DNAH17: variants seen among roughly 807,000 people sequenced by gnomAD.
DNAH17 encodes the protein axonemal beta dynein heavy chain 17.
In DNAH17, 376 loss-of-function variants were observed where a neutral mutation model predicts 485.6. That is an observed-to-expected ratio of 0.77 (90% CI 0.71 to 0.84). The LOEUF is 0.84. DNAH17 is among the 40% of genes least tolerant of loss of function. The pLI is 0.00. For synonymous variants in DNAH17, 3,031 were observed against 2,405.9 expected, an observed-to-expected ratio of 1.26 and a Z score of -7.60; for missense variants, 6,370 against 5,839.3, an observed-to-expected ratio of 1.09 and a Z score of -2.96.
intron 80 of DNAH17, 134 bp from the exon 81 acceptor site, chr17:78,424,287 G>T: frequency 8.4e-7 from 1 of 1,185,194 alleles, no homozygotes; most frequent in Non-Finnish European, 1.1e-6. Context: ...CAGGCCAGCT[G>T]CCACGGCTGG....
rs1340222986 is a variant in DNAH17, at chr17:78,484,918, C to G, written c.7599G>C (p.Gly2533=). The change falls in exon 48 of 81, where the codon GGG becomes GGC. Residue 2533 remains glycine (G), a synonymous_variant. Transcript: ENST00000389840. Reference sequence around the variant, plus strand: ...GGATGAGGGTGTGCGGGGCCACCGTCCCATACTTGTCCACCTCGGGCATGT... The same window carrying G: ...GGATGAGGGTGTGCGGGGCCACCGTGCCATACTTGTCCACCTCGGGCATGT... ...DMNMPEVDKY[G]TVAPHTLIRQ... 1 of 1,602,672 alleles carries G rather than the reference C, an allele frequency of 6.2e-7. No homozygotes were observed. The highest frequency in any genetic ancestry group is 1.1e-5 in the South Asian group (1 of 89,246).
At chr17:78,467,588 A>AG (rs2088534206) in intron 55 of DNAH17, among the ~76,000 whole-genome samples, 1 of 152,140 alleles carries the variant, frequency 6.6e-6, no homozygotes, top group Non-Finnish European at 1.5e-5. Context: ...TGAGTCAAGC[A>AG]GGGGAAAACG....
rs750445575 is a variant in DNAH17 at position 78,495,964 on chromosome 17, G to A, written c.5814C>T (p.Gly1938=). The change falls in exon 38 of 81, where the codon GGC becomes GGT. Residue 1938 remains glycine (G), a synonymous_variant. Transcript: ENST00000389840. ...TGAAGATACCGACGGTGGGAATGAG[G>A]CCTATGATCTCTCCCAGGAAATTGA... ...KAFNFLGEII[G]LIPTVGIFIT... is the part of the protein sequence containing the mutation. 1 of 1,613,954 alleles carries A rather than the reference G, an allele frequency of 6.2e-7. No homozygotes were observed. Among genetic ancestry groups the A allele is most frequent in the South Asian group, 1.1e-5 (1 of 91,090 alleles).
Position 78,486,373 on chromosome 17 carries a change from C to G in DNAH17, c.6952G>C (p.Glu2318Gln), listed in dbSNP as rs2089609794. ...AGAATCGTTTGGATCACCGTGATCT[C>G]CGGCACTGGCGTGATCTTCTTGAAC... ...FGFKKITPVP[E>Q]ITVIQTILYL... Residue 2318 changes from glutamate (E) to glutamine (Q), a missense_variant, in exon 45 of 81, where the codon GAG becomes CAG. Glu to Gln is a conservative substitution (Grantham distance 29). Transcript: ENST00000389840. 6.2e-7 allele frequency: 1 copy of G among 1,613,732 alleles called. No homozygotes were observed. The highest frequency in any genetic ancestry group is 1.3e-5 in the African/African-American group (1 of 74,912).
Position 78,468,631 on chromosome 17 carries a change from G to A in DNAH17, c.8764C>T (p.Arg2922Cys), listed in dbSNP as rs367844100. ...GGGAGCCCCACCTTGAGCTGTCTGC[G>A]CACTTTTTCGATGAAGAACTTCCAA... ...TCWKFFIEKVRRQLKVILCFS... is the reference protein window; with the variant it reads ...TCWKFFIEKVCRQLKVILCFS... The change falls in exon 55 of 81, where the codon CGC becomes TGC. Residue 2922 changes from arginine (R) to cysteine (C), a missense_variant. By Grantham distance (180) the Arg-to-Cys change is radical. Coordinates refer to ENST00000389840, the MANE Select transcript of DNAH17 (RefSeq NM_173628.4). 3.8e-5 allele frequency: 62 copies of A among 1,613,178 alleles called. No homozygotes were observed. Among genetic ancestry groups the A allele is most frequent in the East Asian group, 2.2e-4 (10 of 44,880 alleles).
Position 78,444,506 on chromosome 17 carries a change from C to G in DNAH17, c.11528+98G>C. ...GGGAGAAGAAAAAAGTTCAGGGGAT[C>G]AACTCAAGTCCACAGAGAGTCTAGC... is the stretch of plus-strand genomic sequence containing the variant. On this transcript the variant is annotated intron_variant, in intron 71 of 80. Coordinates refer to ENST00000389840, the MANE Select transcript of DNAH17 (RefSeq NM_173628.4). The G allele has an allele frequency of 2.5e-6, 3 of 1,198,716 alleles. No individual in the cohort carries two copies. In the South Asian group the frequency reaches 4.8e-5, roughly 19 times the overall value. The allele number at this position is 1,198,716 out of a possible 1,614,324, so 74.3% of individuals were successfully genotyped here. A position where few individuals can be genotyped will look rare whatever the true frequency, so the allele number is the denominator to read the frequency against.
chr17:78,451,572 G>C lies in DNAH17; in HGVS notation c.10631C>G (p.Ala3544Gly). The C allele has an allele frequency of 6.2e-7, 1 of 1,613,622 alleles. No individual in the cohort carries two copies. Among genetic ancestry groups the C allele is most frequent in the South Asian group, 1.1e-5 (1 of 91,068 alleles). ...CAGGAAGTTGATGAGGGTGCACTGA[G>C]CCTGCATCTCTGGCTTGTAGTGTGG... ...FNPHYKPEMQ[A>G]QCTLINFLVT... The change falls in exon 66 of 81, where the codon GCT becomes GGT. Residue 3544 changes from alanine (A) to glycine (G), a missense_variant. Physicochemically the swap from Ala to Gly is moderately conservative, Grantham distance 60. Transcript: ENST00000389840.
intron 11 of DNAH17, among the ~76,000 whole-genome samples, chr17:78,566,089 G>A (rs2092261732): frequency 6.6e-6 from 1 of 151,810 alleles, no homozygotes; most frequent in Non-Finnish European, 1.5e-5. Flanking sequence ...TCTAGGAACG[G>A]AAGTAGACCC....
At position 78,437,872 on chromosome 17, in the gene DNAH17, C is replaced by A; in HGVS notation, c.11806-4G>T. The A allele has an allele frequency of 6.2e-7, 1 of 1,604,354 alleles. No homozygotes were observed. The highest frequency in any genetic ancestry group is 8.5e-7 in the Non-Finnish European group (1 of 1,174,470). On this transcript the variant is annotated splice_region_variant and splice_polypyrimidine_tract_variant and intron_variant, in intron 73 of 80. Transcript: ENST00000389840. Reference sequence around the variant, plus strand: ...ACCGGGCCACCAGGTGGATATTCTGCAGCCAAGACTAGAGGCTGGTTACAC... The same window carrying A: ...ACCGGGCCACCAGGTGGATATTCTGAAGCCAAGACTAGAGGCTGGTTACAC...
chr17:78,514,609 C>A (rs1387006275), intron 26 of DNAH17, among the ~76,000 whole-genome samples, 165 bp downstream of exon 26: 1 of 152,134 alleles, frequency 6.6e-6, no homozygotes, highest in Non-Finnish European at 1.5e-5. Flanking sequence ...AGCGTGGAGC[C>A]CAGTGTGACT....
At chr17:78,534,692 C>T (rs1226664784) in intron 19 of DNAH17, among the ~76,000 whole-genome samples, 1 of 152,210 alleles carries the variant, frequency 6.6e-6, no homozygotes, top group Non-Finnish European at 1.5e-5. Context: ...AGGTGGGATC[C>T]AAGTTCCAGT....
intron 3 of DNAH17, among the ~76,000 whole-genome samples, chr17:78,572,262 G>A (rs992951617): frequency 9.2e-6 from 1 of 108,800 alleles, no homozygotes; most frequent in African/African-American, 4.3e-5. Flanking sequence ...GGCTTCCCAG[G>A]GCCTCTGGGG....
chr17:78,516,410 G>A (rs1467056434), intron 25 of DNAH17, among the ~76,000 whole-genome samples: 1 of 152,216 alleles, frequency 6.6e-6, no homozygotes, highest in Non-Finnish European at 1.5e-5. Context: ...CTTGAGGCCG[G>A]GTGCGGCGGC....
Position 78,532,593 on chromosome 17 carries a change from A to T in DNAH17, c.3003T>A (p.Phe1001Leu). ...SYLWTDNLQE[F>L]MKNFLIYGCA... ...ACCCATATATCAGGAAATTCTTCAT[A>T]AACTCCTGCAGGTTGTCCGTCCAGA... The change falls in exon 20 of 81, where the codon TTT becomes TTA. Residue 1001 changes from phenylalanine to leucine, a missense_variant. Physicochemically the swap from Phe to Leu is conservative, Grantham distance 22. Transcript: ENST00000389840. The T allele has an allele frequency of 1.9e-6, 3 of 1,608,554 alleles. No homozygotes were observed. Among genetic ancestry groups the T allele is most frequent in the African/African-American group, 1.3e-5 (1 of 74,956 alleles).
chr17:78,463,885 C>A (rs1314801751), intron 56 of DNAH17, among the ~76,000 whole-genome samples: 1 of 151,846 alleles, frequency 6.6e-6, no homozygotes, highest in Non-Finnish European at 1.5e-5. Flanking sequence ...ATATATAGTG[C>A]TGGTGGTGGG....
Position 78,572,905 on chromosome 17 carries a change from A to C in DNAH17, c.346-11T>G. ...CAGAGAAGAGAGGACCTAAAAGGAAACACTTCTGTGGTTCCGCCCCCTGTG... is the reference window on the plus strand; with the variant it reads ...CAGAGAAGAGAGGACCTAAAAGGAACCACTTCTGTGGTTCCGCCCCCTGTG... On this transcript the variant is annotated splice_polypyrimidine_tract_variant and intron_variant, in intron 2 of 80. Coordinates refer to ENST00000389840, the MANE Select transcript of DNAH17 (RefSeq NM_173628.4). 1 of 1,611,368 alleles carries C rather than the reference A, an allele frequency of 6.2e-7. No individual in the cohort carries two copies. The highest frequency in any genetic ancestry group is 2.2e-5 in the East Asian group (1 of 44,856).
chr17:78,468,531 G>T (rs949733164), intron 55 of DNAH17, 86 bp downstream of exon 55: 2 of 1,470,148 alleles, frequency 1.4e-6, no homozygotes, highest in African/African-American at 1.4e-5. Flanking sequence ...CAGTCCTCCT[G>T]CTCTATGCAG....
At chr17:78,425,133 C>T (rs1212224220) in intron 80 of DNAH17, 2 of 560,410 alleles carry the variant, frequency 3.6e-6, no homozygotes, top group Non-Finnish European at 6.3e-6. Context: ...TTTTTGGTCT[C>T]CTCCAGACCC....
Position 78,521,763 on chromosome 17 carries a change from C to G in DNAH17, c.3864+3246G>C, listed in dbSNP as rs117893150. Among the ~76,000 whole-genome samples the G allele has an allele frequency of 6.4e-3, 975 of 152,206 alleles. 24 individuals are homozygous for G. Among genetic ancestry groups the G allele is most frequent in the East Asian group, 0.046 (239 of 5,176 alleles). On this transcript the variant is annotated intron_variant, in intron 25 of 80. Transcript: ENST00000389840. ...GCACTTTGGGAGGCCAAGGCGGGCGCATTGCCTGAGCTTAGGAATTAGAGA... is the reference window on the plus strand; with the variant it reads ...GCACTTTGGGAGGCCAAGGCGGGCGGATTGCCTGAGCTTAGGAATTAGAGA...
Sources: allele counts gnomAD v4.1 joint callset (sites outside exome capture counted in the v4.1 genomes callset), GRCh38; gene constraint gnomAD v4.1.1; transcripts MANE v1.5; gene names NCBI Gene and HGNC (gene_info 2026-07-23, HGNC 2026-07-21).